Variants in SPRYD7 observed in about 807,000 individuals in gnomAD.
SPRYD7 encodes SPRY domain containing 7.
SPRYD7 carries 14 observed loss-of-function variants against 23.8 expected under a neutral mutation model. The ratio of observed to expected loss-of-function variants is 0.59; its 90% confidence interval spans 0.39 to 0.92. The LOEUF (loss-of-function observed/expected upper bound fraction) is 0.92. SPRYD7 is among the 40% of genes least tolerant of loss of function. The pLI, the probability that SPRYD7 is intolerant of heterozygous loss-of-function variation, is 0.00. For missense variants in SPRYD7, 194 were observed against 241.7 expected (o/e 0.80, Z 1.31); for synonymous variants, 75 against 84.9 (o/e 0.88, Z 0.64).
At chr13:49,920,628 A>G (rs1227277029) in intron 4 of SPRYD7, among the ~76,000 whole-genome samples, 1 of 152,176 alleles carries the variant, frequency 6.6e-6, no homozygotes, top group East Asian at 1.9e-4. Flanking sequence ...AATCCTGCAA[A>G]GTGGGATTGT....
At chr13:49,915,744 A>T (rs1465104207) in intron 4 of SPRYD7, among the ~76,000 whole-genome samples, 1 of 152,222 alleles carries the variant, frequency 6.6e-6, no homozygotes, top group Non-Finnish European at 1.5e-5. Context: ...ATATTTTCAA[A>T]CGTTCACAAT....
intron 2 of SPRYD7, among the ~76,000 whole-genome samples, chr13:49,929,969 T>C (rs945211146): frequency 2.0e-5 from 3 of 152,084 alleles, no homozygotes; most frequent in South Asian, 2.1e-4. Flanking sequence ...TTTGTATCTT[T>C]AGTAGAGATG....
chr13:49,928,779 A>G (rs560048373), intron 2 of SPRYD7, among the ~76,000 whole-genome samples: 1 of 152,208 alleles, frequency 6.6e-6, no homozygotes, highest in Admixed American at 6.5e-5. Flanking sequence ...CATTATTATT[A>G]TCTCAAAAAG....
intron 4 of SPRYD7, among the ~76,000 whole-genome samples, chr13:49,921,058 T>A (rs1327098844): frequency 6.6e-6 from 1 of 152,166 alleles, no homozygotes; most frequent in Non-Finnish European, 1.5e-5. Context: ...GCTGATATGG[T>A]TTGGCTGTGT....
At chr13:49,930,041 C>T (rs1030069365) in intron 2 of SPRYD7, among the ~76,000 whole-genome samples, 32 of 152,220 alleles carry the variant, frequency 2.1e-4, no homozygotes, top group Admixed American at 1.5e-3. Context: ...CTGCCCACCT[C>T]GGCCTCCCAA....
At chr13:49,918,445 G>A (rs185815841) in intron 4 of SPRYD7, among the ~76,000 whole-genome samples, 1 of 136,086 alleles carries the variant, frequency 7.3e-6, no homozygotes, top group Admixed American at 8.1e-5. Flanking sequence ...GTCTTGCTCT[G>A]TCACCCAGGC....
chr13:49,931,778 A>G (rs1262660042), intron 1 of SPRYD7, among the ~76,000 whole-genome samples: 1 of 151,644 alleles, frequency 6.6e-6, no homozygotes, highest in African/African-American at 2.4e-5. Context: ...GCAAAACCCC[A>G]TCTCTATAAA....
At chr13:49,926,703 C>A (rs570492992) in intron 3 of SPRYD7, among the ~76,000 whole-genome samples, 1 of 152,070 alleles carries the variant, frequency 6.6e-6, no homozygotes, top group East Asian at 1.9e-4. Context: ...AATACTGTAC[C>A]TTTTCATAAT....
chr13:49,927,856 G>C, intron 3 of SPRYD7, 63 bp downstream of exon 3: 3 of 1,544,992 alleles, frequency 1.9e-6, no homozygotes, highest in Non-Finnish European at 2.7e-6. Flanking sequence ...CAAAGCTGTA[G>C]ATACTAAAAG....
intron 2 of SPRYD7, among the ~76,000 whole-genome samples, chr13:49,930,149 C>CGTTA (rs1006204422): frequency 6.6e-6 from 1 of 152,088 alleles, no homozygotes; most frequent in African/African-American, 2.4e-5. Context: ...GCACAGTTAA[C>CGTTA]TAACCTATTA....
intron 3 of SPRYD7, among the ~76,000 whole-genome samples, 176 bp from the exon 4 acceptor site, chr13:49,921,756 G>A (rs972555319): frequency 5.9e-5 from 9 of 152,084 alleles, no homozygotes; most frequent in African/African-American, 2.2e-4. Flanking sequence ...GATTATGAGG[G>A]GGGATAAAGT....
Position 49,919,630 on chromosome 13 carries a change from G to A in SPRYD7, c.493+1848C>T, listed in dbSNP as rs564016467. Among the ~76,000 whole-genome samples, 10 of 151,442 alleles carry A rather than the reference G, an allele frequency of 6.6e-5. No homozygotes were observed. In the South Asian group the frequency reaches 2.1e-3, roughly 32 times the overall value. On this transcript the variant is annotated intron_variant, in intron 4 of 4. Transcript: ENST00000361840. ...TAATCCCAGCTACTCTGGAGGCTGAGGCACGAGAATATCTTGAACCCAGGA... is the reference window on the plus strand; with the variant it reads ...TAATCCCAGCTACTCTGGAGGCTGAAGCACGAGAATATCTTGAACCCAGGA...
At chr13:49,927,132 G>A (rs1955890846) in intron 3 of SPRYD7, among the ~76,000 whole-genome samples, 1 of 152,132 alleles carries the variant, frequency 6.6e-6, no homozygotes, top group Non-Finnish European at 1.5e-5. Context: ...ATTAGGTTAA[G>A]TTTAATGAAG....
intron 4 of SPRYD7, 117 bp downstream of exon 4, chr13:49,921,361 T>C: frequency 1.5e-6 from 1 of 664,440 alleles, no homozygotes; most frequent in Non-Finnish European, 2.6e-6. Context: ...TAAACCTCTT[T>C]CCTTTATAAA....
At chr13:49,924,139 C>T (rs367622260) in intron 3 of SPRYD7, among the ~76,000 whole-genome samples, 18 of 152,136 alleles carry the variant, frequency 1.2e-4, no homozygotes, top group East Asian at 1.2e-3. Context: ...TGCACCACTA[C>T]GCCTGGCTAA....
intron 1 of SPRYD7, among the ~76,000 whole-genome samples, chr13:49,933,719 G>C (rs1480259286): frequency 6.6e-6 from 1 of 152,054 alleles, no homozygotes; most frequent in Non-Finnish European, 1.5e-5. Flanking sequence ...TTTAGAATCT[G>C]TACTTTTAAT....
intron 1 of SPRYD7, among the ~76,000 whole-genome samples, chr13:49,933,370 G>A (rs905699225): frequency 2.0e-5 from 3 of 152,100 alleles, no homozygotes; most frequent in African/African-American, 7.2e-5. Context: ...GGAGGCTGAG[G>A]CAGGCAGATT....
intron 4 of SPRYD7, 56 bp downstream of exon 4, chr13:49,921,422 A>C (rs1286617300): frequency 8.9e-7 from 1 of 1,119,304 alleles, no homozygotes; most frequent in South Asian, 1.2e-5. Flanking sequence ...AGACTGATAC[A>C]CACACCAAAC....
chr13:49,925,792 A>C (rs1380256621), intron 3 of SPRYD7, among the ~76,000 whole-genome samples: 3 of 151,986 alleles, frequency 2.0e-5, no homozygotes, highest in Non-Finnish European at 4.4e-5. Flanking sequence ...AGCCTGGGTG[A>C]CAGAGCGAGT....
Sources: allele counts gnomAD v4.1 joint callset (sites outside exome capture counted in the v4.1 genomes callset), GRCh38; gene constraint gnomAD v4.1.1; transcripts MANE v1.5; gene names NCBI Gene and HGNC (gene_info 2026-07-23, HGNC 2026-07-21).